GALNT2: variants seen among roughly 807,000 people sequenced by gnomAD.
GALNT2 encodes polypeptide N-acetylgalactosaminyltransferase 2, also known as UDP-GalNAc:polypeptide N-acetylgalactosaminyltransferase 2.
GALNT2 carries 31 observed loss-of-function variants against 81.4 expected under a neutral mutation model. That is an observed-to-expected ratio of 0.38 (90% CI 0.29 to 0.51). GALNT2 has a LOEUF of 0.51. GALNT2 is among the 20% of genes least tolerant of loss of function. The pLI is 0.87. For missense variants in GALNT2, 629 were observed against 765.7 expected, an observed-to-expected ratio of 0.82 and a Z score of 2.11; for synonymous variants, 303 against 287.4, an observed-to-expected ratio of 1.05 and a Z score of -0.55.
chr1:230,251,057 T>C (rs1386873109), intron 10 of GALNT2, among the ~76,000 whole-genome samples: 1 of 152,196 alleles, frequency 6.6e-6, no homozygotes, highest in Non-Finnish European at 1.5e-5. Flanking sequence ...TGTTTTTTTG[T>C]TTTTAAATAC....
intron 1 of GALNT2, among the ~76,000 whole-genome samples, chr1:230,133,737 T>C (rs146766211): frequency 6.6e-6 from 1 of 152,202 alleles, no homozygotes; most frequent in African/African-American, 2.4e-5. Context: ...TTACAGGCAT[T>C]AGCGCCACAC....
chr1:230,231,738 T>C (rs1298372928), intron 3 of GALNT2, among the ~76,000 whole-genome samples: 18 of 152,188 alleles, frequency 1.2e-4, no homozygotes, highest in Non-Finnish European at 2.9e-5. Context: ...AAAACAGATC[T>C]TTACATGTCC....
intron 1 of GALNT2, among the ~76,000 whole-genome samples, chr1:230,160,105 C>A (rs1297671307): frequency 2.0e-5 from 3 of 152,204 alleles, no homozygotes; most frequent in African/African-American, 7.2e-5. Flanking sequence ...ACCATCATCT[C>A]ATAGTCCTTC....
chr1:230,134,695 A>C (rs1661481510), intron 1 of GALNT2, among the ~76,000 whole-genome samples: 1 of 151,870 alleles, frequency 6.6e-6, no homozygotes, highest in African/African-American at 2.4e-5. Flanking sequence ...TCACAGTTGT[A>C]CTCTTCGCCT....
At chr1:230,064,183 T>G (rs1659112078), upstream of GALNT2, among the ~76,000 whole-genome samples, 1 of 152,224 alleles carries the variant, frequency 6.6e-6, no homozygotes, top group Non-Finnish European at 1.5e-5. Flanking sequence ...TGGTATCCTT[T>G]CACTACTACC....
At chr1:230,061,614 G>GT (rs1000971921) in intron 1 of GALNT2, among the ~76,000 whole-genome samples, 2 of 151,588 alleles carry the variant, frequency 1.3e-5, no homozygotes, top group African/African-American at 4.8e-5. Flanking sequence ...ATTTTATTTT[G>GT]TTTTTTTAAT....
chr1:230,180,239 G>A (rs1291449311), intron 2 of GALNT2, among the ~76,000 whole-genome samples: 1 of 150,872 alleles, frequency 6.6e-6, no homozygotes, highest in African/African-American at 2.4e-5. Flanking sequence ...TTTACATTTA[G>A]GTCTGTGATT....
chr1:230,149,114 C>T (rs535734006), intron 1 of GALNT2, among the ~76,000 whole-genome samples: 2 of 152,342 alleles, frequency 1.3e-5, no homozygotes, highest in East Asian at 3.9e-4. Flanking sequence ...CTCCTGGGCT[C>T]AGGCAGTCCA....
At chr1:230,232,469 C>T (rs749525361) in intron 3 of GALNT2, among the ~76,000 whole-genome samples, 13 of 152,120 alleles carry the variant, frequency 8.5e-5, no homozygotes, top group Admixed American at 6.5e-5. Context: ...GAGAATAGGA[C>T]ATGATTGGAT....
At chr1:230,234,931 T>G (rs1410352443) in intron 3 of GALNT2, among the ~76,000 whole-genome samples, 2 of 152,222 alleles carry the variant, frequency 1.3e-5, no homozygotes, top group Non-Finnish European at 2.9e-5. Flanking sequence ...ACAGCTATTC[T>G]GACTGAGCAC....
chr1:230,058,004 G>A (rs922592825), exon 1 of GALNT2: 7 of 456,088 alleles, frequency 1.5e-5, no homozygotes, highest in Middle Eastern at 6.5e-4. Context: ...GTACACGAAC[G>A]AAAAGCACTG....
intron 1 of GALNT2, among the ~76,000 whole-genome samples, chr1:230,149,723 T>C (rs1371106245): frequency 2.0e-5 from 3 of 152,200 alleles, no homozygotes; most frequent in Non-Finnish European, 4.4e-5. Flanking sequence ...AACAGATACA[T>C]TGAATCATTC....
chr1:230,186,680 T>A (rs2102692745), intron 2 of GALNT2, among the ~76,000 whole-genome samples: 1 of 152,350 alleles, frequency 6.6e-6, no homozygotes, highest in Middle Eastern at 3.4e-3. Context: ...CATACCTTAC[T>A]TAAAATCATT....
intron 1 of GALNT2, among the ~76,000 whole-genome samples, chr1:230,147,342 A>G (rs1178159715): frequency 6.6e-6 from 1 of 152,132 alleles, no homozygotes; most frequent in African/African-American, 2.4e-5. Flanking sequence ...TTCAACATTC[A>G]TTGTGTTCAA....
intron 2 of GALNT2, among the ~76,000 whole-genome samples, chr1:230,186,986 T>C (rs1029789308): frequency 1.3e-5 from 2 of 152,224 alleles, no homozygotes; most frequent in Non-Finnish European, 2.9e-5. Flanking sequence ...TAAAGTTTTA[T>C]GGTTTGCAAG....
chr1:230,134,606 G>A (rs1661478847), intron 1 of GALNT2, among the ~76,000 whole-genome samples: 5 of 152,206 alleles, frequency 3.3e-5, no homozygotes, highest in Admixed American at 2.6e-4. Context: ...ACCCAGACCT[G>A]GTGGAGAGGA....
intron 1 of GALNT2, among the ~76,000 whole-genome samples, chr1:230,161,492 C>G (rs1662436763): frequency 6.6e-6 from 1 of 152,230 alleles, no homozygotes; most frequent in Non-Finnish European, 1.5e-5. Context: ...TGGCCACTTC[C>G]AATCCACTGC....
rs1343128278 is a variant in GALNT2, at chr1:230,227,347, AAAGAAAGT to A, written c.375-8665_375-8658del. On this transcript the variant is annotated intron_variant, in intron 3 of 15. Coordinates refer to ENST00000366672, the MANE Select transcript of GALNT2 (RefSeq NM_004481.5). The stretch of plus-strand genomic sequence containing the variant: ...GTAGTATCTAGCTATGAAACCAGAA[AAAGAAAGT>A]ATAAGAACAGCAAATTGTTCAATTT... Among the ~76,000 whole-genome samples the A allele has an allele frequency of 9.2e-5, 14 of 152,034 alleles. No homozygotes were observed. In the East Asian group the frequency reaches 2.3e-3, roughly 25 times the overall value.
intron 2 of GALNT2, among the ~76,000 whole-genome samples, chr1:230,188,210 C>T (rs1457548680): frequency 2.0e-5 from 3 of 152,216 alleles, no homozygotes; most frequent in Non-Finnish European, 2.9e-5. Flanking sequence ...TGTGGCCCCA[C>T]TTTGGAGACT....
Sources: allele counts gnomAD v4.1 joint callset (sites outside exome capture counted in the v4.1 genomes callset), GRCh38; gene constraint gnomAD v4.1.1; transcripts MANE v1.5; gene names NCBI Gene and HGNC (gene_info 2026-07-23, HGNC 2026-07-21).